AKR1E2: variants seen among roughly 807,000 people sequenced by gnomAD.
AKR1E2 encodes aldo-keto reductase family 1 member E2, also known as 1,5-anhydro-D-fructose reductase.
In AKR1E2, 43 loss-of-function variants were observed where a neutral mutation model predicts 41.9. The observed-to-expected ratio is 1.03, with a 90% CI of 0.80 to 1.32. AKR1E2 has a LOEUF of 1.32. Ranked by LOEUF, AKR1E2 falls within the 40% of genes most tolerant of loss-of-function variation. AKR1E2 has a pLI of 0.00. For synonymous variants in AKR1E2, 121 were observed against 138.9 expected, an observed-to-expected ratio of 0.87 and a Z score of 0.91; for missense variants, 423 against 396.5, an observed-to-expected ratio of 1.07 and a Z score of -0.57.
At chr10:4,848,802 G>T (rs552460176), downstream of AKR1E2, among the ~76,000 whole-genome samples, 33 of 152,290 alleles carry the variant, frequency 2.2e-4, no homozygotes, top group South Asian at 6.8e-3. Context: ...GATAAAAGTT[G>T]TGCTTTTCTA....
chr10:4,826,041 G>C, upstream of AKR1E2: 1 of 386,440 alleles, frequency 2.6e-6, no homozygotes, highest in Non-Finnish European at 4.6e-6. Flanking sequence ...AGGATGTCCA[G>C]AGCGCGGTGC....
intron 4 of AKR1E2, 117 bp downstream of exon 4, chr10:4,835,926 G>C: frequency 7.1e-7 from 1 of 1,410,490 alleles, no homozygotes. Context: ...GAGATGTGGG[G>C]TTTGTGGAGC....
upstream of AKR1E2, chr10:4,825,154 G>A: frequency 2.8e-6 from 1 of 357,756 alleles, no homozygotes; most frequent in East Asian, 7.9e-5. Flanking sequence ...TGCAAGTTGG[G>A]TGGGAGGCAG....
the AKR1E2 span, among the ~76,000 whole-genome samples, chr10:4,857,607 T>C: frequency 3.3e-5 from 5 of 152,344 alleles, no homozygotes; most frequent in Non-Finnish European, 5.9e-5. Flanking sequence ...GGTATTTCTT[T>C]ATAGCAATGC....
chr10:4,830,751 T>G lies in AKR1E2; in HGVS notation c.116T>G (p.Phe39Cys), dbSNP rs1832908110. Reference protein sequence around the residue: ...AGYRHFDCAYFYHNEREVGAG... With the variant: ...AGYRHFDCAYCYHNEREVGAG... ...TACCGGCACTTCGACTGTGCTTACT[T>G]TTACCACAATGAGAGGGAGGTTGGA... is the stretch of plus-strand genomic sequence containing the variant. The change falls in exon 2 of 10, where the codon TTT (phenylalanine) becomes TGT (cysteine). Residue 39 changes from phenylalanine to cysteine, a missense_variant. Physicochemically the swap from Phe to Cys is radical, Grantham distance 205. Coordinates refer to ENST00000298375, the MANE Select transcript of AKR1E2 (RefSeq NM_001040177.3). 6.2e-7 allele frequency: 1 copy of G among 1,613,916 alleles called. No homozygotes were observed. Among genetic ancestry groups the G allele is most frequent in the Non-Finnish European group, 8.5e-7 (1 of 1,180,002 alleles).
chr10:4,872,388 C>A, the AKR1E2 span, among the ~76,000 whole-genome samples: 2 of 152,190 alleles, frequency 1.3e-5, no homozygotes, highest in African/African-American at 2.4e-5. Context: ...TTGTCTATGA[C>A]TTTTCTTGGG....
intron 6 of AKR1E2, among the ~76,000 whole-genome samples, chr10:4,840,814 A>G (rs568674116): frequency 1.6e-4 from 25 of 151,902 alleles, no homozygotes; most frequent in South Asian, 6.3e-4. Flanking sequence ...CTGACCCCTT[A>G]TTTATGTTTC....
chr10:4,861,715 T>C, the AKR1E2 span, among the ~76,000 whole-genome samples: 3 of 152,202 alleles, frequency 2.0e-5, no homozygotes, highest in African/African-American at 4.8e-5. Flanking sequence ...TTACCATAGA[T>C]AAGTGAACTT....
chr10:4,830,566 G>A, intron 1 of AKR1E2, 109 bp from the exon 2 acceptor site: 3 of 1,272,496 alleles, frequency 2.4e-6, no homozygotes, highest in Admixed American at 2.1e-5. Context: ...TACCAAATTA[G>A]TGACTTAATT....
At chr10:4,872,125 C>A in the AKR1E2 span, among the ~76,000 whole-genome samples, 11 of 152,120 alleles carry the variant, frequency 7.2e-5, no homozygotes, top group Non-Finnish European at 1.2e-4. Context: ...AATAAATATA[C>A]CTACACACGT....
chr10:4,835,894 A>G (rs1833375125), intron 4 of AKR1E2, 85 bp downstream of exon 4: 3 of 1,539,704 alleles, frequency 1.9e-6, no homozygotes, highest in Non-Finnish European at 2.6e-6. Context: ...CTTGTGTTCA[A>G]AGACATCAAG....
chr10:4,858,193 C>T, the AKR1E2 span, among the ~76,000 whole-genome samples: 7 of 152,094 alleles, frequency 4.6e-5, no homozygotes, highest in Admixed American at 6.6e-5. Flanking sequence ...CTTTGTTTGA[C>T]GTAGCTCATA....
chr10:4,852,353 C>G (rs1168190725), downstream of AKR1E2, among the ~76,000 whole-genome samples: 1 of 152,200 alleles, frequency 6.6e-6, no homozygotes, highest in Non-Finnish European at 1.5e-5. Flanking sequence ...AAGGCTCCTT[C>G]TCTTGTCAAG....
intron 3 of AKR1E2, among the ~76,000 whole-genome samples, chr10:4,834,437 T>C (rs960127516): frequency 4.6e-5 from 7 of 152,258 alleles, no homozygotes; most frequent in African/African-American, 1.7e-4. Flanking sequence ...CAGAGTGATG[T>C]CTGTGCCTTG....
downstream of AKR1E2, among the ~76,000 whole-genome samples, chr10:4,850,956 T>C (rs1393940172): frequency 3.3e-5 from 5 of 152,244 alleles, no homozygotes; most frequent in Admixed American, 2.0e-4. Flanking sequence ...CCTTAAACTT[T>C]ATGTGTCTAA....
At chr10:4,835,860 C>A (rs774345769) in intron 4 of AKR1E2, 51 bp downstream of exon 4, 2 of 1,604,890 alleles carry the variant, frequency 1.2e-6, no homozygotes, top group Non-Finnish European at 1.7e-6. Context: ...GGTCTCCACC[C>A]AGGATGCAGT....
the AKR1E2 span, among the ~76,000 whole-genome samples, chr10:4,863,530 C>G: frequency 1.3e-5 from 2 of 151,908 alleles, no homozygotes; most frequent in African/African-American, 4.8e-5. Context: ...AATTGACACC[C>G]TAACATCACA....
downstream of AKR1E2, among the ~76,000 whole-genome samples, chr10:4,852,846 A>G (rs1834553429): frequency 6.6e-6 from 1 of 152,150 alleles, no homozygotes; most frequent in Admixed American, 6.5e-5. Flanking sequence ...GTGTTAACAG[A>G]TTTGGTTTCT....
intron 4 of AKR1E2, 120 bp from the exon 5 acceptor site, chr10:4,837,339 A>T (rs1833506977): frequency 7.3e-7 from 1 of 1,378,844 alleles, no homozygotes; most frequent in Non-Finnish European, 9.8e-7. Context: ...GCTTCAAGTA[A>T]AATATTGTAA....
Sources: gnomAD v4.1 joint callset for allele counts (sites outside exome capture counted in the v4.1 genomes callset) on GRCh38, gnomAD v4.1.1 for gene constraint, MANE v1.5 for transcripts, NCBI Gene and HGNC (gene_info 2026-07-23, HGNC 2026-07-21) for gene names.